GC: variants seen among roughly 807,000 people sequenced by gnomAD.
GC encodes vitamin D-binding protein.
Under a neutral mutation model 56.7 loss-of-function variants are expected in GC, and 43 were observed. That is an observed-to-expected ratio of 0.76 (90% CI 0.59 to 0.98). The LOEUF is 0.98. Among genes scored for constraint, GC ranks in the 50% least tolerant of loss-of-function variants. The pLI, the probability that GC is intolerant of heterozygous loss-of-function variation, is 0.00. For missense variants in GC, 529 were observed against 545.9 expected (o/e 0.97, Z 0.31); for synonymous variants, 216 against 202.7 (o/e 1.07, Z -0.56).
At chr4:71,761,866 T>A (rs1741987581) in intron 6 of GC, among the ~76,000 whole-genome samples, 1 of 152,156 alleles carries the variant, frequency 6.6e-6, no homozygotes, top group Non-Finnish European at 1.5e-5. Flanking sequence ...TCAGAGGATG[T>A]ATGGAAACAC....
upstream of GC, among the ~76,000 whole-genome samples, chr4:71,787,424 C>T (rs1742866577): frequency 6.6e-6 from 1 of 151,732 alleles, no homozygotes; most frequent in Admixed American, 6.6e-5. Flanking sequence ...GTCTGTTGTC[C>T]CTCGTCTGTC....
chr4:71,792,905 T>C (rs1001610158), intron 1 of GC, among the ~76,000 whole-genome samples: 1 of 152,194 alleles, frequency 6.6e-6, no homozygotes, highest in African/African-American at 2.4e-5. Context: ...CAGCACCATT[T>C]ATTAACTAGG....
In GC at chr4:71,767,870, C is replaced by G. The variant is rs540496519; in HGVS notation, c.261+431G>C. Among the ~76,000 whole-genome samples, 28 of 151,808 alleles carry G rather than the reference C, an allele frequency of 1.8e-4. 1 individual carries two copies. Among genetic ancestry groups the G allele is most frequent in the Non-Finnish European group, 2.8e-4 (19 of 67,964 alleles). ...TATATCCTTCTTATGCCTTTAAATC[C>G]TCATAGCTTAGCTCCCACTTATAAG... On this transcript the variant is annotated intron_variant, in intron 3 of 12. Coordinates refer to ENST00000273951, the MANE Select transcript of GC (RefSeq NM_000583.4).
At chr4:71,759,412 G>A (rs1203291178) in intron 6 of GC, 3 of 152,176 alleles carry the variant, frequency 2.0e-5, no homozygotes, top group African/African-American at 7.2e-5. Flanking sequence ...CAGTGTACAA[G>A]CGTTCCAATT....
At chr4:71,798,012 G>A (rs1463325222) in intron 1 of GC, among the ~76,000 whole-genome samples, 2 of 152,160 alleles carry the variant, frequency 1.3e-5, no homozygotes, top group African/African-American at 2.4e-5. Context: ...TATCCCATGT[G>A]TGCCTGCTCA....
intron 11 of GC, among the ~76,000 whole-genome samples, chr4:71,750,425 A>G (rs7672977): frequency 0.03 from 4,612 of 152,292 alleles, 243 homozygotes; most frequent in African/African-American, 0.1. Context: ...ACACTAGATG[A>G]TCTTTATAGT....
intron 12 of GC, among the ~76,000 whole-genome samples, chr4:71,744,327 C>G (rs371165373): frequency 6.7e-6 from 1 of 149,862 alleles, no homozygotes; most frequent in Non-Finnish European, 1.5e-5. Context: ...GGCGTGGTGG[C>G]GGGCGCCTGT....
chr4:71,770,755 G>A (rs1160827407), intron 1 of GC, among the ~76,000 whole-genome samples: 4 of 152,136 alleles, frequency 2.6e-5, no homozygotes, highest in African/African-American at 9.7e-5. Flanking sequence ...ACTGAAACAG[G>A]CCTGAATGGG....
chr4:71,749,904 T>C lies in GC; in HGVS notation c.1395+2614A>G, dbSNP rs72858897. Among the ~76,000 whole-genome samples the C allele has an allele frequency of 6.6e-3, 1,004 of 152,270 alleles. 7 individuals are homozygous for C. The highest frequency in any genetic ancestry group is 0.023 in the African/African-American group (967 of 41,558). ...TTACAAACAAGATTAGCAAATAGGT[T>C]TGGGACCAGAGTGTAAATATGGAAA... On this transcript the variant is annotated intron_variant, in intron 11 of 12. Coordinates refer to ENST00000273951, the MANE Select transcript of GC (RefSeq NM_000583.4).
intron 4 of GC, 142 bp downstream of exon 4, chr4:71,765,290 T>C (rs1173211565): frequency 1.2e-5 from 8 of 675,154 alleles, no homozygotes; most frequent in Middle Eastern, 4.2e-4. Context: ...AAAGGGAAGA[T>C]GGGCTGTCTC....
At chr4:71,765,887 C>A (rs1052014319) in intron 3 of GC, among the ~76,000 whole-genome samples, 1 of 152,054 alleles carries the variant, frequency 6.6e-6, no homozygotes, top group African/African-American at 2.4e-5. Context: ...CTTTGAATAA[C>A]AAATGGACAG....
At chr4:71,790,301 A>G (rs1742936538) in intron 1 of GC, among the ~76,000 whole-genome samples, 1 of 152,042 alleles carries the variant, frequency 6.6e-6, no homozygotes, top group East Asian at 1.9e-4. Context: ...ACAACCTAAT[A>G]ATATAGCCAT....
rs148053251 is a variant in GC, at chr4:71,751,296, A to G, written c.1395+1222T>C. Among the ~76,000 whole-genome samples the G allele has an allele frequency of 4.0e-3, 607 of 152,300 alleles. 5 individuals are homozygous for G. The highest frequency in any genetic ancestry group is 0.014 in the African/African-American group (569 of 41,570). ...AATCTCAGAAGTCGAAGCATAGCTC[A>G]GGTCTACTAACAATGGGCCCACACA... On this transcript the variant is annotated intron_variant, in intron 11 of 12. Transcript: ENST00000273951.
chr4:71,792,168 TGGG>T (rs1742986828), intron 1 of GC, among the ~76,000 whole-genome samples: 3 of 152,242 alleles, frequency 2.0e-5, no homozygotes, highest in Non-Finnish European at 4.4e-5. Flanking sequence ...TATAATCCTT[TGGG>T]TATATACCCA....
In GC at chr4:71,746,225, GT is replaced by G; in HGVS notation, c.1396-21del. The G allele has an allele frequency of 8.8e-7, 1 of 1,135,810 alleles. No individual in the cohort carries two copies. The highest frequency in any genetic ancestry group is 1.3e-6 in the Non-Finnish European group (1 of 751,560). 70.4% of individuals were successfully genotyped at this position (1,135,810 alleles called of 1,614,324 possible). ...ATCAATCTGATAATGAAAAAAGAATGTTATATAACTTATGAAGTATTTCATT... is the reference window on the plus strand; with the variant it reads ...ATCAATCTGATAATGAAAAAAGAATGTATATAACTTATGAAGTATTTCATT... On this transcript the variant is annotated intron_variant, in intron 11 of 12. Transcript: ENST00000273951.
chr4:71,755,037 G>T lies in GC; in HGVS notation c.1105C>A (p.Leu369Ile). The T allele has an allele frequency of 6.2e-7, 1 of 1,600,576 alleles. No individual in the cohort carries two copies. The highest frequency in any genetic ancestry group is 8.5e-7 in the Non-Finnish European group (1 of 1,171,996). ...TCACAGCATTCACCAAGGCTTTTTA[G>T]GGTTGGCTCAAGTACCTTACTGAGG... The part of the protein sequence containing the change: ...VFLSKVLEPT[L>I]KSLGECCDVE... Residue 369 changes from leucine to isoleucine, a missense_variant, in exon 9 of 13, where the codon CTA (leucine) becomes ATA (isoleucine). Transcript: ENST00000273951.
chr4:71,784,123 T>C, upstream of GC: 1 of 1,473,570 alleles, frequency 6.8e-7, no homozygotes. Flanking sequence ...TTCCTGACTA[T>C]GAATTAATCA....
upstream of GC, chr4:71,786,024 C>A (rs905903385): frequency 6.6e-6 from 1 of 151,786 alleles, no homozygotes; most frequent in Non-Finnish European, 1.5e-5. Flanking sequence ...GAGTTTAAGA[C>A]CAGCTCATTC....
chr4:71,799,277 C>T (rs1399009134), intron 1 of GC, among the ~76,000 whole-genome samples: 1 of 152,178 alleles, frequency 6.6e-6, no homozygotes, highest in African/African-American at 2.4e-5. Context: ...TCTTGCCTCC[C>T]AGCTCAGCGA....
Sources: gnomAD v4.1 joint callset for allele counts (sites outside exome capture counted in the v4.1 genomes callset) on GRCh38, gnomAD v4.1.1 for gene constraint, MANE v1.5 for transcripts, NCBI Gene and HGNC (gene_info 2026-07-23, HGNC 2026-07-21) for gene names.